The following CDH2 variants were observed in gnomAD, a reference collection of about 807,000 sequenced individuals.
The protein encoded by CDH2 is cadherin-2.
CDH2 carries 17 observed loss-of-function variants against 92.0 expected under a neutral mutation model. That is an observed-to-expected ratio of 0.18 (90% CI 0.13 to 0.28). The LOEUF is 0.28. CDH2 is among the 10% of genes least tolerant of loss of function. The pLI is 1.00. For synonymous variants in CDH2, 419 were observed against 415.9 expected, an observed-to-expected ratio of 1.01 and a Z score of -0.09; for missense variants, 862 against 1,133.1, an observed-to-expected ratio of 0.76 and a Z score of 3.44.
intron 1 of CDH2, among the ~76,000 whole-genome samples, chr18:28,175,457 G>A (rs1296970332): frequency 1.3e-5 from 2 of 152,186 alleles, no homozygotes; most frequent in Non-Finnish European, 2.9e-5. Context: ...AGCACGACCC[G>A]GGAGGAGAGC....
rs186229712 is a variant in CDH2, at chr18:27,961,469, C to T, written c.2514+1888G>A. 1.7e-3 allele frequency among the ~76,000 whole-genome samples: 259 copies of T among 152,006 alleles called. 1 individual carries two copies. The highest frequency in any genetic ancestry group is 5.0e-3 in the African/African-American group (207 of 41,444). On this transcript the variant is annotated intron_variant, in intron 15 of 15. Coordinates refer to ENST00000269141, the MANE Select transcript of CDH2 (RefSeq NM_001792.5). Reference sequence around the variant, plus strand: ...AAATGTTTTGGCTGAATCCTGAAGGCGAAGTGGCAGTCCTGCAGATGGACA... The same window carrying T: ...AAATGTTTTGGCTGAATCCTGAAGGTGAAGTGGCAGTCCTGCAGATGGACA...
chr18:28,174,098 C>A (rs2016502183), intron 1 of CDH2, among the ~76,000 whole-genome samples: 1 of 152,086 alleles, frequency 6.6e-6, no homozygotes, highest in South Asian at 2.1e-4. Context: ...ATAAGGTACA[C>A]AGACACTTCA....
intron 5 of CDH2, among the ~76,000 whole-genome samples, chr18:28,006,675 G>A (rs2012930480): frequency 6.8e-6 from 1 of 146,578 alleles, no homozygotes; most frequent in Admixed American, 6.9e-5. Context: ...CCGAGATTGT[G>A]CCAGTGCACT....
chr18:27,932,934 GA>G (rs1306097276), exon 7 of CDH2, among the ~76,000 whole-genome samples: 4 of 152,188 alleles, frequency 2.6e-5, no homozygotes, highest in South Asian at 2.1e-4. Flanking sequence ...CAATATTGCT[GA>G]AAATGCAAGT....
intron 2 of CDH2, among the ~76,000 whole-genome samples, chr18:28,065,852 C>A (rs2014496461): frequency 2.0e-5 from 3 of 152,126 alleles, no homozygotes; most frequent in African/African-American, 4.8e-5. Context: ...TTCTTATTGG[C>A]AACACCAAAC....
chr18:27,961,502 T>A (rs2011403368), intron 15 of CDH2, among the ~76,000 whole-genome samples: 2 of 152,084 alleles, frequency 1.3e-5, no homozygotes. Context: ...ACAATTAGGT[T>A]AAGGGCTTTG....
At chr18:27,945,485 T>A (rs1315261415) in intron 6 of CDH2, among the ~76,000 whole-genome samples, 1 of 151,996 alleles carries the variant, frequency 6.6e-6, no homozygotes, top group Non-Finnish European at 1.5e-5. Context: ...GGTCTTCCAG[T>A]TTTCCTTATG....
At chr18:28,034,697 AAC>A (rs1198388391) in intron 2 of CDH2, among the ~76,000 whole-genome samples, 13 of 152,174 alleles carry the variant, frequency 8.5e-5, no homozygotes, top group African/African-American at 2.9e-4. Context: ...AAAAAACAAA[AAC>A]AAAAACAAAA....
At chr18:28,022,031 G>C (rs1222695197) in intron 2 of CDH2, among the ~76,000 whole-genome samples, 10 of 151,956 alleles carry the variant, frequency 6.6e-5, no homozygotes, top group Non-Finnish European at 1.5e-4. Context: ...GGAAGGTAGG[G>C]AGAAACTGCC....
At position 27,990,252 on chromosome 18, in the gene CDH2, A is replaced by G. The variant is rs766267167; in HGVS notation, c.1443T>C (p.Thr481=). The stretch of plus-strand genomic sequence containing the variant: ...CAATAACTGTAACAGACACGGTTGC[A>G]GTTGACTGAGGGGGGTGCTGAATTC... ...AKGIQHPPQS[T]ATVSVTVIDV... Residue 481 remains threonine, a synonymous_variant, in exon 10 of 16, where the codon ACT becomes ACC. Transcript: ENST00000269141. 4.3e-6 allele frequency: 7 copies of G among 1,614,148 alleles called. No individual in the cohort carries two copies. Among genetic ancestry groups the G allele is most frequent in the Non-Finnish European group, 5.9e-6 (7 of 1,179,984 alleles).
At chr18:28,041,633 C>A (rs1241850537) in intron 2 of CDH2, among the ~76,000 whole-genome samples, 1 of 152,138 alleles carries the variant, frequency 6.6e-6, no homozygotes, top group Non-Finnish European at 1.5e-5. Context: ...CCTAGTGATT[C>A]CTTCCTTCTT....
At chr18:27,986,774 G>T (rs752460762) in intron 11 of CDH2, among the ~76,000 whole-genome samples, 1 of 152,092 alleles carries the variant, frequency 6.6e-6, no homozygotes, top group Non-Finnish European at 1.5e-5. Context: ...AACTGGAAGG[G>T]TATAGTGGCT....
At chr18:28,075,936 G>T (rs1426570472) in intron 2 of CDH2, among the ~76,000 whole-genome samples, 1 of 152,170 alleles carries the variant, frequency 6.6e-6, no homozygotes, top group Non-Finnish European at 1.5e-5. Context: ...AAGGGAGATA[G>T]GGTAAGTAAG....
At chr18:28,103,886 C>T (rs2015278031) in intron 2 of CDH2, among the ~76,000 whole-genome samples, 1 of 151,922 alleles carries the variant, frequency 6.6e-6, no homozygotes, top group South Asian at 2.1e-4. Flanking sequence ...TTTATATACA[C>T]ATAAAAAAAA....
chr18:27,969,285 T>C (rs868691355), intron 14 of CDH2, among the ~76,000 whole-genome samples: 1 of 152,222 alleles, frequency 6.6e-6, no homozygotes, highest in African/African-American at 2.4e-5. Context: ...TCATATACTA[T>C]ACATTTTAAT....
intron 15 of CDH2, among the ~76,000 whole-genome samples, chr18:27,956,015 A>C (rs1444749747): frequency 2.0e-5 from 3 of 151,648 alleles, no homozygotes; most frequent in African/African-American, 7.3e-5. Context: ...TATTATATAA[A>C]CTCTTGGTAA....
rs764115203 is a variant in CDH2 at position 27,988,602 on chromosome 18, T to C, written c.1663A>G (p.Thr555Ala). 2.5e-6 allele frequency: 4 copies of C among 1,608,534 alleles called. No individual in the cohort carries two copies. Among genetic ancestry groups the C allele is most frequent in the African/African-American group, 2.7e-5 (2 of 74,828 alleles). Residue 555 changes from threonine (T) to alanine (A), a missense_variant, in exon 11 of 16, where the codon ACA (threonine) becomes GCA (alanine). Transcript: ENST00000269141. ...GATTCTCGGTCCAAAACAGCAATTGTAGTTATTTGTCCATTCACAGGATCT... is the reference window on the plus strand; with the variant it reads ...GATTCTCGGTCCAAAACAGCAATTGCAGTTATTTGTCCATTCACAGGATCT... ...KIDPVNGQITTIAVLDRESPN... is the reference protein window; with the variant it reads ...KIDPVNGQITAIAVLDRESPN...
At chr18:28,114,831 T>C (rs1389918546) in intron 2 of CDH2, among the ~76,000 whole-genome samples, 1 of 151,966 alleles carries the variant, frequency 6.6e-6, no homozygotes, top group African/African-American at 2.4e-5. Flanking sequence ...CCTGTCCATC[T>C]TCTTAAAAAA....
intron 2 of CDH2, among the ~76,000 whole-genome samples, chr18:28,110,332 C>A (rs1258998835): frequency 6.6e-6 from 1 of 152,190 alleles, no homozygotes; most frequent in Non-Finnish European, 1.5e-5. Context: ...TGAGAATGAA[C>A]CTGAGCCCTT....
Sources: allele counts gnomAD v4.1 joint callset (sites outside exome capture counted in the v4.1 genomes callset), GRCh38; gene constraint gnomAD v4.1.1; transcripts MANE v1.5; gene names NCBI Gene and HGNC (gene_info 2026-07-23, HGNC 2026-07-21).